Variants in ZDHHC15 observed in about 807,000 individuals in gnomAD.
The protein encoded by ZDHHC15 is zDHHC palmitoyltransferase 15.
A neutral mutation model predicts 31.7 loss-of-function variants in ZDHHC15; 19 were observed. That is an observed-to-expected ratio of 0.60 (90% CI 0.42 to 0.88). The LOEUF (loss-of-function observed/expected upper bound fraction) is 0.88. Ranked by LOEUF, ZDHHC15 falls within the 40% of genes least tolerant of loss-of-function variation. ZDHHC15 has a pLI of 0.00. For missense variants in ZDHHC15, 209 were observed against 251.2 expected (o/e 0.83, Z 1.14); for synonymous variants, 103 against 90.0 (o/e 1.14, Z -0.82).
chrX:75,489,712 T>C (rs753856930), intron 2 of ZDHHC15, among the ~76,000 whole-genome samples: 2 of 112,262 alleles, frequency 1.8e-5, no homozygotes, highest in Non-Finnish European at 3.8e-5. Flanking sequence ...ATGCAGCTCC[T>C]CACCAGCAAT....
chrX:75,389,600 C>T (rs1036001532), intron 10 of ZDHHC15, among the ~76,000 whole-genome samples: 2 of 110,588 alleles, frequency 1.8e-5, no homozygotes, highest in African/African-American at 6.6e-5. Context: ...ACTAGACACA[C>T]CCTGTGCCAG....
rs376298533 is a variant in ZDHHC15 at position 75,421,411 on chromosome X, AAT to A, written c.863+451_863+452del. 2.6e-3 allele frequency among the ~76,000 whole-genome samples: 68 copies of A among 25,981 alleles called. 2 individuals carry two copies. Among genetic ancestry groups the A allele is most frequent in the South Asian group, 5.6e-3 (3 of 532 alleles). The allele number at this position is 25,981 out of a possible 115,157, so 22.6% of individuals were successfully genotyped here. A position where few individuals can be genotyped will look rare whatever the true frequency, so the allele number is the denominator to read the frequency against. ...GTATATATATATATTATATATATAT[AAT>A]ATATATATAATATATATATAATATA... On this transcript the variant is annotated intron_variant, in intron 9 of 11. Transcript: ENST00000373367.
Position 75,370,255 on chromosome X carries a change from G to C in ZDHHC15, c.*2723C>G, listed in dbSNP as rs2082993213. On this transcript the variant is annotated 3_prime_UTR_variant, in exon 12 of 12. Transcript: ENST00000373367. Reference sequence around the variant, plus strand: ...CGGAGAAAATGAGTATCAACAATTAGGGAATGAGATTCCACAGAGGTTATT... The same window carrying C: ...CGGAGAAAATGAGTATCAACAATTACGGAATGAGATTCCACAGAGGTTATT... The C allele has an allele frequency of 9.0e-6, 1 of 111,058 alleles. No homozygotes were observed. The highest frequency in any genetic ancestry group is 3.3e-5 in the African/African-American group (1 of 30,515). 9.2% of individuals were successfully genotyped at this position (111,058 alleles called of 1,213,427 possible).
At chrX:75,481,103 A>T (rs1179982977) in intron 2 of ZDHHC15, among the ~76,000 whole-genome samples, 1 of 109,143 alleles carries the variant, frequency 9.2e-6, no homozygotes, top group East Asian at 2.9e-4. Context: ...ATGCCTTTAA[A>T]TTTTTTTTTA....
intron 2 of ZDHHC15, chrX:75,502,361 T>G (rs1284385318): frequency 7.2e-5 from 8 of 111,535 alleles, no homozygotes; most frequent in Non-Finnish European, 1.1e-4. Flanking sequence ...ATAGTCACAT[T>G]CTGAAGTACT....
chrX:75,379,319 T>G, intron 10 of ZDHHC15, 121 bp from the exon 11 acceptor site: 1 of 662,487 alleles, frequency 1.5e-6, no homozygotes, highest in Non-Finnish European at 2.4e-6. Context: ...TGCAAACCTC[T>G]AAAGACTGAT....
At chrX:75,516,369 T>C in intron 1 of ZDHHC15, among the ~76,000 whole-genome samples, 1 of 112,033 alleles carries the variant, frequency 8.9e-6, no homozygotes, top group Admixed American at 9.4e-5. Flanking sequence ...AACAGTATAG[T>C]ACTGGTACCA....
intron 11 of ZDHHC15, among the ~76,000 whole-genome samples, chrX:75,374,914 G>T (rs1004954263): frequency 4.5e-5 from 5 of 110,580 alleles, no homozygotes; most frequent in African/African-American, 9.8e-5. Flanking sequence ...TGGCGCAGGG[G>T]TTATTTATAA....
At chrX:75,470,001 C>A (rs955259307) in intron 3 of ZDHHC15, among the ~76,000 whole-genome samples, 3 of 111,476 alleles carry the variant, frequency 2.7e-5, no homozygotes, top group African/African-American at 9.8e-5. Flanking sequence ...TATTCAGCAT[C>A]TTTTCATGTG....
chrX:75,409,153 C>T (rs1271099437), intron 10 of ZDHHC15, among the ~76,000 whole-genome samples: 1 of 111,224 alleles, frequency 9.0e-6, no homozygotes, highest in Non-Finnish European at 1.9e-5. Flanking sequence ...CAATCCTGAA[C>T]AAAAAGAACA....
intron 1 of ZDHHC15, among the ~76,000 whole-genome samples, chrX:75,516,867 A>G (rs1046108092): frequency 2.7e-5 from 3 of 112,398 alleles, no homozygotes; most frequent in East Asian, 2.8e-4. Flanking sequence ...CAGAATCTAC[A>G]AAGAACTCAA....
Position 75,402,797 on chromosome X carries a change from C to T in ZDHHC15, c.967+14290G>A, listed in dbSNP as rs146139102. Among the ~76,000 whole-genome samples the T allele has an allele frequency of 7.5e-3, 827 of 110,826 alleles. 11 individuals carry two copies. The highest frequency in any genetic ancestry group is 0.026 in the African/African-American group (790 of 30,492). ...CTGATGGATTCACAGCCAAATTCTA[C>T]GAGATTACAAAGAGCTGGTACCATT... On this transcript the variant is annotated intron_variant, in intron 10 of 11. Coordinates refer to ENST00000373367, the MANE Select transcript of ZDHHC15 (RefSeq NM_144969.3).
intron 4 of ZDHHC15, among the ~76,000 whole-genome samples, chrX:75,444,640 G>GTATATATA (rs760429265): frequency 1.3e-4 from 3 of 22,733 alleles, no homozygotes; most frequent in Admixed American, 7.9e-4. Flanking sequence ...AAGCAACACT[G>GTATATATA]TATATATATA....
chrX:75,444,687 TACACAC>T (rs1172357698), intron 4 of ZDHHC15, among the ~76,000 whole-genome samples: 45 of 29,497 alleles, frequency 1.5e-3, no homozygotes, highest in African/African-American at 6.6e-3. Flanking sequence ...TATATATATA[TACACAC>T]ACACACACAC....
chrX:75,481,302 T>C (rs1426259576), intron 2 of ZDHHC15, among the ~76,000 whole-genome samples: 2 of 111,705 alleles, frequency 1.8e-5, no homozygotes, highest in African/African-American at 6.5e-5. Context: ...GGTAATGTGG[T>C]TAACCAATTT....
At chrX:75,489,358 C>G (rs1353091412) in intron 2 of ZDHHC15, among the ~76,000 whole-genome samples, 3 of 111,716 alleles carry the variant, frequency 2.7e-5, no homozygotes, top group African/African-American at 9.8e-5. Context: ...GGCAGACTGA[C>G]AACTGACATG....
At chrX:75,509,098 A>T (rs933607858) in intron 1 of ZDHHC15, among the ~76,000 whole-genome samples, 1 of 111,325 alleles carries the variant, frequency 9.0e-6, no homozygotes, top group Non-Finnish European at 1.9e-5. Flanking sequence ...ACCATTCAGG[A>T]CATAGGCATG....
chrX:75,437,387 T>C (rs2083870711), intron 4 of ZDHHC15, among the ~76,000 whole-genome samples: 1 of 95,445 alleles, frequency 1.0e-5, no homozygotes, highest in Admixed American at 1.2e-4. Flanking sequence ...CTGCACCCAC[T>C]AACTCGTCAT....
chrX:75,492,959 C>G (rs867621676), intron 2 of ZDHHC15, among the ~76,000 whole-genome samples: 1 of 111,172 alleles, frequency 9.0e-6, no homozygotes, highest in Admixed American at 9.6e-5. Context: ...AATAGAGAGA[C>G]AAAAAAATCC....
Sources: gnomAD v4.1 joint callset for allele counts (sites outside exome capture counted in the v4.1 genomes callset) on GRCh38, gnomAD v4.1.1 for gene constraint, MANE v1.5 for transcripts, NCBI Gene and HGNC (gene_info 2026-07-23, HGNC 2026-07-21) for gene names.